MTURN: variants seen among roughly 807,000 people sequenced by gnomAD.
The protein encoded by MTURN is maturin, neural progenitor differentiation regulator homolog.
Under a neutral mutation model 14.9 loss-of-function variants are expected in MTURN, and 7 were observed. That is an observed-to-expected ratio of 0.47 (90% CI 0.27 to 0.88). The LOEUF (loss-of-function observed/expected upper bound fraction) is 0.88, where lower values mean the gene tolerates loss of function less well. Among genes scored for constraint, MTURN ranks in the 40% least tolerant of loss-of-function variants. The pLI, the probability that MTURN is intolerant of heterozygous loss-of-function variation, is 0.14. For missense variants in MTURN, 151 were observed against 174.1 expected, an observed-to-expected ratio of 0.87 and a Z score of 0.75; for synonymous variants, 69 against 72.5, an observed-to-expected ratio of 0.95 and a Z score of 0.25.
At chr7:30,139,002 T>C (rs1348108418) in intron 1 of MTURN, among the ~76,000 whole-genome samples, 1 of 152,180 alleles carries the variant, frequency 6.6e-6, no homozygotes, top group Admixed American at 6.5e-5. Flanking sequence ...ATTCTTCCCA[T>C]AGCACTCGTT....
chr7:30,141,626 C>T (rs181890371), intron 1 of MTURN, among the ~76,000 whole-genome samples: 1 of 152,158 alleles, frequency 6.6e-6, no homozygotes, highest in Non-Finnish European at 1.5e-5. Context: ...TGGGCTGAAG[C>T]AGCCTGCTGC....
At position 30,138,859 on chromosome 7, in the gene MTURN, C is replaced by G. The variant is rs144027977; in HGVS notation, c.162+3561C>G. Among the ~76,000 whole-genome samples, 210 of 152,330 alleles carry G rather than the reference C, an allele frequency of 1.4e-3. 3 individuals are homozygous for G. The highest frequency in any genetic ancestry group is 4.8e-3 in the African/African-American group (200 of 41,580). ...AGATGTGCCAAGCGCATTCCTGCCT[C>G]AAGGCCTTGGCACTTGCGTTCTGTC... is the stretch of plus-strand genomic sequence containing the variant. On this transcript the variant is annotated intron_variant, in intron 1 of 2. Coordinates refer to ENST00000324453, the MANE Select transcript of MTURN (RefSeq NM_152793.3).
intron 2 of MTURN, among the ~76,000 whole-genome samples, chr7:30,149,531 G>A (rs138094346): frequency 1.3e-5 from 2 of 152,296 alleles, no homozygotes; most frequent in East Asian, 3.9e-4. Context: ...ATGAGAGGGA[G>A]CGTCACAAAC....
chr7:30,152,817 A>G (rs1452282199), intron 2 of MTURN, among the ~76,000 whole-genome samples: 2 of 152,198 alleles, frequency 1.3e-5, no homozygotes, highest in Non-Finnish European at 2.9e-5. Flanking sequence ...CCCTACAGAT[A>G]ACAGATACTC....
At chr7:30,153,420 G>A (rs1287244621) in intron 2 of MTURN, among the ~76,000 whole-genome samples, 4 of 152,120 alleles carry the variant, frequency 2.6e-5, no homozygotes, top group African/African-American at 9.7e-5. Flanking sequence ...TTCCCCAGCG[G>A]AAAACATTGA....
intron 2 of MTURN, among the ~76,000 whole-genome samples, chr7:30,153,363 C>A (rs577434685): frequency 6.6e-6 from 1 of 152,276 alleles, no homozygotes; most frequent in East Asian, 1.9e-4. Context: ...TCCCTCCTCA[C>A]AAATTTAGAC....
chr7:30,144,377 T>G (rs1405749630), intron 1 of MTURN, among the ~76,000 whole-genome samples: 1 of 152,276 alleles, frequency 6.6e-6, no homozygotes, highest in Admixed American at 6.5e-5. Context: ...GTAGAACTTT[T>G]GTTGTTCTTC....
intron 1 of MTURN, among the ~76,000 whole-genome samples, chr7:30,141,572 G>A (rs1190804724): frequency 1.3e-5 from 2 of 152,236 alleles, no homozygotes; most frequent in African/African-American, 2.4e-5. Context: ...TGCTCACGCT[G>A]GAGTACAATG....
chr7:30,146,339 A>G (rs754338088), intron 2 of MTURN, 40 bp downstream of exon 2: 5 of 1,610,652 alleles, frequency 3.1e-6, no homozygotes, highest in African/African-American at 1.3e-5. Flanking sequence ...CTTGTTTTCT[A>G]TGGTGATTGT....
intron 2 of MTURN, among the ~76,000 whole-genome samples, chr7:30,155,688 C>T (rs754190919): frequency 1.1e-4 from 17 of 152,174 alleles, no homozygotes; most frequent in African/African-American, 2.2e-4. Flanking sequence ...TGACTGTGTA[C>T]GCCTTGGCAA....
Position 30,160,367 on chromosome 7 carries a change from T to C in MTURN, c.*2819T>C, listed in dbSNP as rs1797351053. 6.6e-6 allele frequency: 1 copy of C among 152,298 alleles called. No individual in the cohort carries two copies. The highest frequency in any genetic ancestry group is 1.5e-5 in the Non-Finnish European group (1 of 68,098). The allele number at this position is 152,298 out of a possible 1,614,324, so 9.4% of individuals were successfully genotyped here. ...AAGGTGAGGCCCCAGAGGACTTATC[T>C]CAGCTGTACATGCTCTGCCTGTGGA... is the stretch of plus-strand genomic sequence containing the variant. On this transcript the variant is annotated 3_prime_UTR_variant, in exon 3 of 3. Transcript: ENST00000324453.
At chr7:30,154,459 T>G (rs1369238846) in intron 2 of MTURN, among the ~76,000 whole-genome samples, 1 of 152,186 alleles carries the variant, frequency 6.6e-6, no homozygotes, top group Non-Finnish European at 1.5e-5. Flanking sequence ...TCCTTAGAGA[T>G]AATATAGCTA....
intron 2 of MTURN, among the ~76,000 whole-genome samples, chr7:30,149,723 G>A (rs1345958409): frequency 1.3e-5 from 2 of 152,180 alleles, no homozygotes; most frequent in Non-Finnish European, 2.9e-5. Context: ...TTGTTGAAAC[G>A]CTTACCCAAA....
chr7:30,157,403 C>G, intron 2 of MTURN, 35 bp from the exon 3 acceptor site: 1 of 1,524,674 alleles, frequency 6.6e-7, no homozygotes. Context: ...CCATTTGGCG[C>G]TCACAGCTGC....
rs1212935587 is a variant in MTURN at position 30,161,656 on chromosome 7, A to C, written c.*4108A>C. 1 of 152,222 alleles carries C rather than the reference A, an allele frequency of 6.6e-6. No homozygotes were observed. Among genetic ancestry groups the C allele is most frequent in the East Asian group, 1.9e-4 (1 of 5,198 alleles). 9.4% of individuals were successfully genotyped at this position (152,222 alleles called of 1,614,324 possible). A position where few individuals can be genotyped will look rare whatever the true frequency, so the allele number is the denominator to read the frequency against. On this transcript the variant is annotated 3_prime_UTR_variant, in exon 3 of 3. Coordinates refer to ENST00000324453, the MANE Select transcript of MTURN (RefSeq NM_152793.3). ...AGGGCCAACCTCCTCACTGTGCTTC[A>C]AGGTTGTAGAAAGAGCACAATTAAT...
intron 1 of MTURN, chr7:30,137,626 G>T (rs1391159163): frequency 8.5e-6 from 4 of 471,150 alleles, no homozygotes; most frequent in Non-Finnish European, 1.3e-5. Flanking sequence ...AGTTCTGGAG[G>T]CTCTAATGGA....
At chr7:30,152,927 C>T (rs972283346) in intron 2 of MTURN, among the ~76,000 whole-genome samples, 3 of 152,054 alleles carry the variant, frequency 2.0e-5, no homozygotes, top group Admixed American at 6.6e-5. Context: ...ATGTGATCAC[C>T]GATAGCTCAC....
intron 1 of MTURN, among the ~76,000 whole-genome samples, chr7:30,144,266 G>T (rs1043957629): frequency 2.6e-5 from 4 of 152,202 alleles, no homozygotes; most frequent in Non-Finnish European, 5.9e-5. Context: ...GAAATGTGGT[G>T]GTAGATGTTA....
intron 1 of MTURN, chr7:30,137,557 A>G (rs1400962527): frequency 2.1e-6 from 1 of 468,336 alleles, no homozygotes; most frequent in Admixed American, 2.4e-5. Flanking sequence ...TAGAATAGAT[A>G]GAAAGATAGA....
Sources: allele counts gnomAD v4.1 joint callset (sites outside exome capture counted in the v4.1 genomes callset), GRCh38; gene constraint gnomAD v4.1.1; transcripts MANE v1.5; gene names NCBI Gene and HGNC (gene_info 2026-07-23, HGNC 2026-07-21).